Variants in TRAPPC9 observed in about 807,000 individuals in gnomAD.
The protein encoded by TRAPPC9 is IKK2 binding protein.
In TRAPPC9, 83 loss-of-function variants were observed where a neutral mutation model predicts 124.0. That is an observed-to-expected ratio of 0.67 (90% CI 0.56 to 0.80). The LOEUF (loss-of-function observed/expected upper bound fraction) is 0.80. TRAPPC9 is among the 30% of genes least tolerant of loss of function. The pLI is 0.00. For synonymous variants in TRAPPC9, 638 were observed against 617.5 expected, an observed-to-expected ratio of 1.03 and a Z score of -0.49; for missense variants, 1,302 against 1,508.3, an observed-to-expected ratio of 0.86 and a Z score of 2.27.
In TRAPPC9 at chr8:140,435,198, T is replaced by G; in HGVS notation, c.773A>C (p.Tyr258Ser). ...ACTCTTCCCACCAGTTCCACCAGGATAGTGATAGATGACAGAAGCTGAACA... is the reference window on the plus strand; with the variant it reads ...ACTCTTCCCACCAGTTCCACCAGGAGAGTGATAGATGACAGAAGCTGAACA... Reference protein sequence around the residue: ...GLCSASVIYHYPGGTGGKSGA... With the variant: ...GLCSASVIYHSPGGTGGKSGA... The change falls in exon 4 of 23, where the codon TAT becomes TCT. Residue 258 changes from tyrosine (Y) to serine (S), a missense_variant. Tyr to Ser is a moderately radical substitution (Grantham distance 144). This residue lies in a region of TRAPPC9 where 657 missense variants were observed against 811.2 expected (regional missense o/e 0.81). Transcript: ENST00000438773. 2 of 1,614,106 alleles carry G rather than the reference T, an allele frequency of 1.2e-6. No individual in the cohort carries two copies. The highest frequency in any genetic ancestry group is 1.7e-6 in the Non-Finnish European group (2 of 1,180,026).
intron 18 of TRAPPC9, among the ~76,000 whole-genome samples, chr8:139,996,996 C>G (rs1363013856): frequency 6.6e-6 from 1 of 152,208 alleles, no homozygotes; most frequent in East Asian, 1.9e-4. Context: ...ATCCACCCAC[C>G]TCTGCCTCCC....
chr8:139,872,664 A>ATGGG (rs1418240586), intron 21 of TRAPPC9, among the ~76,000 whole-genome samples: 1 of 128,098 alleles, frequency 7.8e-6, no homozygotes. Context: ...GGATGGATGG[A>ATGGG]TGGGTGGGCT....
chr8:139,919,975 G>A (rs962838445), intron 19 of TRAPPC9, among the ~76,000 whole-genome samples: 4 of 152,194 alleles, frequency 2.6e-5, no homozygotes, highest in African/African-American at 9.7e-5. Flanking sequence ...TGTCTGTAAC[G>A]GTGGGTTTTT....
intron 17 of TRAPPC9, among the ~76,000 whole-genome samples, chr8:140,187,225 G>A (rs953290499): frequency 2.0e-5 from 3 of 152,180 alleles, no homozygotes; most frequent in African/African-American, 7.2e-5. Flanking sequence ...TAAACAGAGG[G>A]CTGACTTGTC....
In TRAPPC9 at chr8:140,164,666, C is replaced by A. The variant is rs149994239; in HGVS notation, c.2556+56793G>T. 6.4e-3 allele frequency among the ~76,000 whole-genome samples: 979 copies of A among 152,342 alleles called. 14 individuals are homozygous for A. The highest frequency in any genetic ancestry group is 0.022 in the African/African-American group (911 of 41,580). On this transcript the variant is annotated intron_variant, in intron 17 of 22. Transcript: ENST00000438773. ...TTGGCTGGACAGCTAGGCATGGTCT[C>A]CTGGGCCTCCGTGCAGCACAGGCCC...
At chr8:140,427,605 T>A (rs904288854) in intron 4 of TRAPPC9, among the ~76,000 whole-genome samples, 2 of 152,230 alleles carry the variant, frequency 1.3e-5, no homozygotes, top group East Asian at 1.9e-4. Flanking sequence ...TTTCCCATCA[T>A]GGCAAAACAC....
chr8:140,253,571 G>A (rs1437730010), intron 15 of TRAPPC9, among the ~76,000 whole-genome samples: 1 of 151,990 alleles, frequency 6.6e-6, no homozygotes, highest in Non-Finnish European at 1.5e-5. Context: ...CCAGCTACTC[G>A]GGAGGCTGAG....
At chr8:140,171,777 C>G (rs2061969889) in intron 17 of TRAPPC9, among the ~76,000 whole-genome samples, 1 of 152,188 alleles carries the variant, frequency 6.6e-6, no homozygotes, top group African/African-American at 2.4e-5. Context: ...CCATGCTCTA[C>G]TCCAGTGCCA....
chr8:139,892,688 C>A (rs1442008264), intron 20 of TRAPPC9, among the ~76,000 whole-genome samples: 1 of 152,224 alleles, frequency 6.6e-6, no homozygotes, highest in Non-Finnish European at 1.5e-5. Flanking sequence ...GCCTGACCCA[C>A]ACCTGCTCCA....
intron 18 of TRAPPC9, among the ~76,000 whole-genome samples, chr8:140,011,324 A>G (rs984429422): frequency 6.6e-6 from 1 of 151,874 alleles, no homozygotes; most frequent in Non-Finnish European, 1.5e-5. Flanking sequence ...CCTGGGCAAC[A>G]GAGCAAGGGT....
At chr8:139,803,319 G>A (rs950844451) in intron 21 of TRAPPC9, among the ~76,000 whole-genome samples, 10 of 152,236 alleles carry the variant, frequency 6.6e-5, no homozygotes, top group African/African-American at 2.2e-4. Flanking sequence ...CTAGAGCGGC[G>A]AGTCCTGCAG....
intron 20 of TRAPPC9, among the ~76,000 whole-genome samples, chr8:139,892,678 G>A (rs1830421217): frequency 6.6e-6 from 1 of 152,154 alleles, no homozygotes; most frequent in Non-Finnish European, 1.5e-5. Context: ...GGTTGCCCCA[G>A]CCTGACCCAC....
chr8:140,169,252 C>T (rs1228935488), intron 17 of TRAPPC9, among the ~76,000 whole-genome samples: 1 of 152,106 alleles, frequency 6.6e-6, no homozygotes, highest in Non-Finnish European at 1.5e-5. Flanking sequence ...ACTTCACATC[C>T]ACTAGGATGG....
chr8:139,871,177 A>C (rs1828875655), intron 21 of TRAPPC9, among the ~76,000 whole-genome samples: 1 of 152,182 alleles, frequency 6.6e-6, no homozygotes, highest in African/African-American at 2.4e-5. Context: ...GCTGATTACA[A>C]GTGAGAGTCC....
chr8:140,300,806 G>C (rs2065955250), intron 10 of TRAPPC9, among the ~76,000 whole-genome samples, 192 bp from the exon 11 acceptor site: 1 of 152,226 alleles, frequency 6.6e-6, no homozygotes, highest in African/African-American at 2.4e-5. Flanking sequence ...GATTCTCCCA[G>C]ACAGGGGAAA....
chr8:140,140,049 G>A (rs1338467220), intron 17 of TRAPPC9, among the ~76,000 whole-genome samples: 10 of 152,154 alleles, frequency 6.6e-5, no homozygotes, highest in African/African-American at 1.7e-4. Flanking sequence ...GGACCACAAC[G>A]GGGTGCTTGT....
intron 8 of TRAPPC9, among the ~76,000 whole-genome samples, chr8:140,365,925 C>T (rs950942255): frequency 1.3e-5 from 2 of 152,196 alleles, no homozygotes; most frequent in Admixed American, 6.5e-5. Flanking sequence ...CTCCTTCTAC[C>T]CTCCACCCTC....
chr8:140,103,743 T>C (rs922238618), intron 17 of TRAPPC9, among the ~76,000 whole-genome samples: 1 of 152,214 alleles, frequency 6.6e-6, no homozygotes, highest in African/African-American at 2.4e-5. Flanking sequence ...GTCTTCACAA[T>C]GACCCTCTGA....
At chr8:140,031,744 A>G (rs10216700) in intron 17 of TRAPPC9, among the ~76,000 whole-genome samples, 22,888 of 152,192 alleles carry the variant, frequency 0.15, 2,143 homozygotes, top group African/African-American at 0.26. Context: ...CAAGATGCCA[A>G]GTAACTACAA....
Sources: gnomAD v4.1 joint callset for allele counts (sites outside exome capture counted in the v4.1 genomes callset) on GRCh38, gnomAD v4.1.1 for gene constraint, gnomAD v4.1.1 regional missense constraint, MANE v1.5 for transcripts, NCBI Gene and HGNC (gene_info 2026-07-23, HGNC 2026-07-21) for gene names.